The following UHRF2 variants were observed in gnomAD, a reference collection of about 807,000 sequenced individuals.
UHRF2 encodes ubiquitin like with PHD and ring finger domains 2.
Under a neutral mutation model 96.8 loss-of-function variants are expected in UHRF2, and 23 were observed. The observed-to-expected ratio is 0.24, with a 90% CI of 0.17 to 0.34. The LOEUF is 0.34. Ranked by LOEUF, UHRF2 falls within the 10% of genes least tolerant of loss-of-function variation. UHRF2 has a pLI of 1.00. For missense variants in UHRF2, 685 were observed against 981.5 expected (o/e 0.70, Z 4.04); for synonymous variants, 385 against 332.6 (o/e 1.16, Z -1.72).
At chr9:6,437,174 G>A (rs1820901066) in intron 3 of UHRF2, among the ~76,000 whole-genome samples, 1 of 152,174 alleles carries the variant, frequency 6.6e-6, no homozygotes, top group Non-Finnish European at 1.5e-5. Flanking sequence ...TTCTTTGAAT[G>A]GAGGATGCAT....
intron 2 of UHRF2, among the ~76,000 whole-genome samples, chr9:6,423,464 A>G (rs1452066212): frequency 6.6e-6 from 1 of 152,202 alleles, no homozygotes; most frequent in Non-Finnish European, 1.5e-5. Context: ...TTAAAAAATT[A>G]TGGCTGCTTA....
At chr9:6,488,323 C>T (rs948528660) in intron 9 of UHRF2, among the ~76,000 whole-genome samples, 7 of 129,744 alleles carry the variant, frequency 5.4e-5, no homozygotes, top group Non-Finnish European at 1.1e-4. Flanking sequence ...GAAGGGGATC[C>T]TGTGCCCTCT....
chr9:6,486,134 A>G (rs1297994734), intron 8 of UHRF2, among the ~76,000 whole-genome samples: 1 of 152,192 alleles, frequency 6.6e-6, no homozygotes, highest in East Asian at 1.9e-4. Context: ...ACCACTTAAT[A>G]TATTTTAAGA....
intron 4 of UHRF2, among the ~76,000 whole-genome samples, chr9:6,463,603 T>C (rs1822687176): frequency 6.6e-6 from 1 of 151,934 alleles, no homozygotes; most frequent in Non-Finnish European, 1.5e-5. Flanking sequence ...CCGGAGTAGC[T>C]GGAACTACAG....
At chr9:6,469,872 A>G (rs1471626900) in intron 4 of UHRF2, among the ~76,000 whole-genome samples, 3 of 151,988 alleles carry the variant, frequency 2.0e-5, no homozygotes, top group Admixed American at 6.6e-5. Flanking sequence ...TAGTAGCCCA[A>G]AATTTCCAAA....
rs745322843 is a variant in UHRF2 at position 6,504,676 on chromosome 9, C to G, written c.2247C>G (p.Phe749Leu). 3 of 1,613,382 alleles carry G rather than the reference C, an allele frequency of 1.9e-6. No homozygotes were observed. In the East Asian group the frequency reaches 6.7e-5, roughly 36 times the overall value. The change falls in exon 15 of 16, where the codon TTC (phenylalanine) becomes TTG (leucine). Residue 749 changes from phenylalanine to leucine, a missense_variant. Around this residue, in one of 6 missense-constraint regions of UHRF2, gnomAD observed 71 missense variants for 114.1 expected, o/e 0.62. Transcript: ENST00000276893. ...ACCAGCCTGTGACAACTGAGTGCTT[C>G]CACAATGTCTGTAAAGTAAGTAGAA... ...LVYQPVTTEC[F>L]HNVCKDCLQR...
chr9:6,486,264 A>G (rs540370780), intron 8 of UHRF2, among the ~76,000 whole-genome samples: 3 of 152,334 alleles, frequency 2.0e-5, no homozygotes, highest in African/African-American at 7.2e-5. Flanking sequence ...AGCATTCATG[A>G]CTCAAACTAC....
chr9:6,428,817 G>A (rs1373272240), intron 2 of UHRF2, among the ~76,000 whole-genome samples: 1 of 152,014 alleles, frequency 6.6e-6, no homozygotes, highest in Non-Finnish European at 1.5e-5. Flanking sequence ...CCAAAGTGCT[G>A]GGATTACAGT....
At chr9:6,471,005 G>A (rs1823211383) in intron 4 of UHRF2, among the ~76,000 whole-genome samples, 1 of 152,086 alleles carries the variant, frequency 6.6e-6, no homozygotes, top group African/African-American at 2.4e-5. Flanking sequence ...AAATCCACAT[G>A]CTACTCTTAA....
chr9:6,451,759 C>T (rs887434089), intron 3 of UHRF2, among the ~76,000 whole-genome samples: 5 of 94,590 alleles, frequency 5.3e-5, no homozygotes, highest in Non-Finnish European at 9.6e-5. Context: ...GCGTGAGCCA[C>T]CGCGCCCGGC....
intron 1 of UHRF2, among the ~76,000 whole-genome samples, chr9:6,419,546 A>C (rs558925842): frequency 6.6e-6 from 1 of 152,300 alleles, no homozygotes; most frequent in Non-Finnish European, 1.5e-5. Context: ...GTGTTTTTTA[A>C]AAAAGTGAAA....
Position 6,427,235 on chromosome 9 carries a change from C to G in UHRF2, c.384+6093C>G, listed in dbSNP as rs144704863. Among the ~76,000 whole-genome samples the G allele has an allele frequency of 4.3e-4, 65 of 152,148 alleles. No homozygotes were observed. In the East Asian group the frequency reaches 8.9e-3, roughly 21 times the overall value. ...TTTTTTTTTATACATGTAGAGCTTTCTATAGTTGAAATTGCTTTATGGATG... is the reference window on the plus strand; with the variant it reads ...TTTTTTTTTATACATGTAGAGCTTTGTATAGTTGAAATTGCTTTATGGATG... On this transcript the variant is annotated intron_variant, in intron 2 of 15. Transcript: ENST00000276893.
Position 6,506,681 on chromosome 9 carries a change from T to A in UHRF2, c.*502T>A, listed in dbSNP as rs1272997018. 1 of 152,824 alleles carries A rather than the reference T, an allele frequency of 6.5e-6. No individual in the cohort carries two copies. The highest frequency in any genetic ancestry group is 1.5e-5 in the Non-Finnish European group (1 of 68,176). 9.5% of individuals were successfully genotyped at this position (152,824 alleles called of 1,614,324 possible). A position where few individuals can be genotyped will look rare whatever the true frequency, so the allele number is the denominator to read the frequency against. On this transcript the variant is annotated 3_prime_UTR_variant, in exon 16 of 16. Coordinates refer to ENST00000276893, the MANE Select transcript of UHRF2 (RefSeq NM_152896.3). The stretch of plus-strand genomic sequence containing the variant: ...TCTTCTTCCATTACAATGTGTGTTT[T>A]GCAAGGACAGGTTCATTTTTTTTAG...
intron 2 of UHRF2, among the ~76,000 whole-genome samples, chr9:6,431,861 T>C (rs1820578785): frequency 6.6e-6 from 1 of 152,226 alleles, no homozygotes; most frequent in African/African-American, 2.4e-5. Context: ...TAATGTGTTT[T>C]TGCTGTTACC....
chr9:6,469,794 G>A (rs1049928648), intron 4 of UHRF2, among the ~76,000 whole-genome samples: 18 of 149,460 alleles, frequency 1.2e-4, no homozygotes, highest in African/African-American at 4.5e-4. Flanking sequence ...ATGTATATAT[G>A]TGTATATATA....
At chr9:6,492,265 A>G (rs1824707481) in intron 9 of UHRF2, 1 of 1,005,808 alleles carries the variant, frequency 9.9e-7, no homozygotes, top group South Asian at 1.4e-5. Flanking sequence ...ACTTTCCATT[A>G]CTTTTTCTTT....
chr9:6,480,892 C>T (rs956586785), intron 6 of UHRF2, among the ~76,000 whole-genome samples: 5 of 152,120 alleles, frequency 3.3e-5, no homozygotes, highest in African/African-American at 1.2e-4. Context: ...GTCTTCTTTG[C>T]TCTAAAAGCT....
chr9:6,439,312 GAC>G (rs1821024512), intron 3 of UHRF2, among the ~76,000 whole-genome samples: 1 of 152,150 alleles, frequency 6.6e-6, no homozygotes. Flanking sequence ...AGCCTCCTGA[GAC>G]ACAGATGTGC....
At chr9:6,420,695 A>T (rs934098849) in intron 1 of UHRF2, among the ~76,000 whole-genome samples, 2 of 149,942 alleles carry the variant, frequency 1.3e-5, no homozygotes, top group African/African-American at 4.9e-5. Context: ...CGACAGAGTG[A>T]GACACCGTCT....
Sources: gnomAD v4.1 joint callset for allele counts (sites outside exome capture counted in the v4.1 genomes callset) on GRCh38, gnomAD v4.1.1 for gene constraint, gnomAD v4.1.1 regional missense constraint, MANE v1.5 for transcripts, NCBI Gene and HGNC (gene_info 2026-07-23, HGNC 2026-07-21) for gene names.